The following BSCL2 variants were observed in gnomAD, a reference collection of about 807,000 sequenced individuals.
BSCL2 encodes the protein seipin.
Under a neutral mutation model 57.4 loss-of-function variants are expected in BSCL2, and 41 were observed. The observed-to-expected ratio is 0.71, with a 90% confidence interval of 0.56 to 0.93. BSCL2 has a LOEUF of 0.93. BSCL2 is among the 40% of genes least tolerant of loss of function. The pLI, the probability that BSCL2 is intolerant of heterozygous loss-of-function variation, is 0.00. For missense variants in BSCL2, 539 were observed against 586.7 expected, an observed-to-expected ratio of 0.92 and a Z score of 0.84; for synonymous variants, 237 against 227.3, an observed-to-expected ratio of 1.04 and a Z score of -0.38.
chr11:62,691,130 T>C lies in BSCL2; in HGVS notation c.1017A>G (p.Arg339=), dbSNP rs147902831. Residue 339 remains arginine (R), a synonymous_variant, in exon 8 of 11, where the codon CGA becomes CGG. Coordinates refer to ENST00000360796, the MANE Select transcript of BSCL2 (RefSeq NM_001122955.4). ...RHRFSLQVNI[R]KRDNSRKEVQ... ...CTTCCTTCCGGGAATTGTCTCTTTT[T>C]CGGATGTTAACCTGTGGAGGAAAAA... The C allele has an allele frequency of 1.0e-4, 163 of 1,614,120 alleles. No homozygotes were observed. The highest frequency in any genetic ancestry group is 1.3e-4 in the Non-Finnish European group (157 of 1,180,052).
intron 3 of BSCL2, among the ~76,000 whole-genome samples, chr11:62,699,781 C>T (rs1043760615): frequency 7.4e-5 from 11 of 147,764 alleles, no homozygotes; most frequent in Non-Finnish European, 1.2e-4. Context: ...CGGGTTCAAG[C>T]AATTCTTGTG....
Position 62,691,413 on chromosome 11 carries a change from A to G in BSCL2, c.872T>C (p.Leu291Pro), listed in dbSNP as rs2134692185. 6.2e-7 allele frequency: 1 copy of G among 1,614,216 alleles called. No individual in the cohort carries two copies. Among genetic ancestry groups the G allele is most frequent in the East Asian group, 2.2e-5 (1 of 44,888 alleles). Residue 291 changes from leucine (L) to proline (P), a missense_variant, in exon 7 of 11, where the codon CTA becomes CCA. Physicochemically the swap from Leu to Pro is moderately conservative, Grantham distance 98. Transcript: ENST00000360796. The part of the protein sequence containing the change: ...HAHFTGLRYL[L>P]YNFPMTCAFI... Reference sequence around the variant, plus strand: ...GGCGCAGGTCATCGGGAAGTTGTATAGCAGGTATCTGAGGCAGGAAGTAGG... The same window carrying G: ...GGCGCAGGTCATCGGGAAGTTGTATGGCAGGTATCTGAGGCAGGAAGTAGG...
Position 62,705,423 on chromosome 11 carries a change from C to A in BSCL2, c.282G>T (p.Gln94His), listed in dbSNP as rs953445189. The A allele has an allele frequency of 6.2e-7, 1 of 1,614,150 alleles. No homozygotes were observed. Among genetic ancestry groups the A allele is most frequent in the African/African-American group, 1.3e-5 (1 of 74,952 alleles). The change falls in exon 2 of 11, where the codon CAG (glutamine) becomes CAT (histidine). Residue 94 changes from glutamine (Q) to histidine (H), a missense_variant. By Grantham distance (24) the Gln-to-His change is conservative (BLOSUM62 0). This residue lies in a region of BSCL2 where 218 missense variants were observed against 224.8 expected (regional missense o/e 0.97). Transcript: ENST00000360796. The stretch of plus-strand genomic sequence containing the variant: ...GGATGGTGCAGAAGAGCACCCCAAA[C>A]TGCAGCAGCAGCCTGCGGGCACGGC... ...LAGRARRLLL[Q>H]FGVLFCTILL...
At chr11:62,693,450 G>A (rs1179371154) in intron 4 of BSCL2, among the ~76,000 whole-genome samples, 2 of 152,106 alleles carry the variant, frequency 1.3e-5, no homozygotes, top group Non-Finnish European at 2.9e-5. Context: ...GTTGCCGTGA[G>A]CCGAGATCAC....
intron 2 of BSCL2, among the ~76,000 whole-genome samples, chr11:62,703,815 C>T (rs1035773221): frequency 3.3e-5 from 5 of 151,722 alleles, no homozygotes. Flanking sequence ...GGTCCTACAA[C>T]CACTGTTAAG....
At chr11:62,705,851 G>A in intron 1 of BSCL2, 1 of 534,526 alleles carries the variant, frequency 1.9e-6, no homozygotes, top group Non-Finnish European at 3.3e-6. Flanking sequence ...TCCTTCTCCA[G>A]TCATTTGATG....
At position 62,705,605 on chromosome 11, in the gene BSCL2, C is replaced by A; in HGVS notation, c.100G>T (p.Ala34Ser). The change falls in exon 2 of 11, where the codon GCT becomes TCT. Residue 34 changes from alanine to serine, a missense_variant. Physicochemically the swap from Ala to Ser is moderately conservative, Grantham distance 99. Transcript: ENST00000360796. ...GPDKEEEPPA[A>S]ASHGQGWRPG... ...CGCCACCCCTGGCCATGGGATGCAG[C>A]AGCTGGTGGTTCCTGGAAAGAGAGG... The A allele has an allele frequency of 1.3e-6, 2 of 1,537,316 alleles. No homozygotes were observed. Among genetic ancestry groups the A allele is most frequent in the Non-Finnish European group, 1.8e-6 (2 of 1,137,764 alleles).
intron 7 of BSCL2, 52 bp downstream of exon 7, chr11:62,691,228 T>TG: frequency 6.2e-7 from 1 of 1,614,074 alleles, no homozygotes; most frequent in Non-Finnish European, 8.5e-7. Flanking sequence ...AACATACCCC[T>TG]GACCACCCAC....
At chr11:62,708,523 GT>G, upstream of BSCL2, 1 of 1,248,914 alleles carries the variant, frequency 8.0e-7, no homozygotes, top group Admixed American at 1.9e-5. Flanking sequence ...CTGGGGCTCT[GT>G]AGAGAGAGCT....
At chr11:62,702,635 T>G in intron 2 of BSCL2, 86 bp from the exon 3 acceptor site, 2 of 1,089,484 alleles carry the variant, frequency 1.8e-6, no homozygotes, top group East Asian at 5.3e-5. Context: ...GGCTCCCTCC[T>G]GCCCTCCTCC....
intron 3 of BSCL2, among the ~76,000 whole-genome samples, chr11:62,696,247 A>AGAT (rs1276547422): frequency 6.6e-6 from 1 of 150,802 alleles, no homozygotes; most frequent in Non-Finnish European, 1.5e-5. Flanking sequence ...TGTAGAGACC[A>AGAT]GATGATTAAG....
chr11:62,702,358 G>T, intron 3 of BSCL2, 110 bp downstream of exon 3: 1 of 1,006,776 alleles, frequency 9.9e-7, no homozygotes, highest in Non-Finnish European at 1.5e-6. Flanking sequence ...GAGCCACCGT[G>T]CCCGGCCAGT....
chr11:62,695,119 C>G (rs1945417673), intron 3 of BSCL2, among the ~76,000 whole-genome samples: 1 of 152,210 alleles, frequency 6.6e-6, no homozygotes, highest in Non-Finnish European at 1.5e-5. Flanking sequence ...GTCTCCCCAG[C>G]CAGCTCTGGC....
In BSCL2 at chr11:62,705,445, C is replaced by T. The variant is rs1296501254; in HGVS notation, c.260G>A (p.Arg87His). 5 of 1,614,084 alleles carry T rather than the reference C, an allele frequency of 3.1e-6. No homozygotes were observed. The highest frequency in any genetic ancestry group is 1.6e-4 in the Middle Eastern group (1 of 6,084). Residue 87 changes from arginine (R) to histidine (H), a missense_variant, in exon 2 of 11, where the codon CGT (arginine) becomes CAT (histidine). Around this residue, in one of 3 missense-constraint regions of BSCL2, gnomAD observed 218 missense variants for 224.8 expected, o/e 0.97. Transcript: ENST00000360796. ...AQEVGQVLAG[R>H]ARRLLLQFGV... ...AAACTGCAGCAGCAGCCTGCGGGCA[C>T]GGCCTGCCAAGACTTGGCCCACCTC...
At chr11:62,707,783 A>G (rs1440454011), upstream of BSCL2, 1 of 265,514 alleles carries the variant, frequency 3.8e-6, no homozygotes, top group Non-Finnish European at 7.4e-6. Context: ...CTCCTTTCGT[A>G]TAGTCACTGC....
At position 62,696,675 on chromosome 11, in the gene BSCL2, AG is replaced by A. The variant is rs1209662191; in HGVS notation, c.487-1965del. Among the ~76,000 whole-genome samples the A allele has an allele frequency of 2.0e-5, 3 of 152,008 alleles. 1 individual carries two copies. Among genetic ancestry groups the A allele is most frequent in the Non-Finnish European group, 4.4e-5 (3 of 68,022 alleles). ...TGGGCTCAGTTGATCTTCCTGTCTC[AG>A]CCTCCTGAGTAGCTGGAACTACAGG... On this transcript the variant is annotated intron_variant, in intron 3 of 10. Coordinates refer to ENST00000360796, the MANE Select transcript of BSCL2 (RefSeq NM_001122955.4).
In BSCL2 at chr11:62,705,411, G is replaced by A. The variant is rs1370174442; in HGVS notation, c.294C>T (p.Leu98=). The change falls in exon 2 of 11, where the codon CTC becomes CTT. Residue 98 remains leucine (L), a synonymous_variant. Coordinates refer to ENST00000360796, the MANE Select transcript of BSCL2 (RefSeq NM_001122955.4). ...AGAGCAAAAGGAGGATGGTGCAGAAGAGCACCCCAAACTGCAGCAGCAGCC... is the reference window on the plus strand; with the variant it reads ...AGAGCAAAAGGAGGATGGTGCAGAAAAGCACCCCAAACTGCAGCAGCAGCC... The part of the protein sequence containing the change: ...ARRLLLQFGV[L]FCTILLLLWV... The A allele has an allele frequency of 5.6e-6, 9 of 1,614,224 alleles. No homozygotes were observed. The highest frequency in any genetic ancestry group is 7.6e-6 in the Non-Finnish European group (9 of 1,180,024).
At chr11:62,695,076 C>T (rs553631253) in intron 3 of BSCL2, among the ~76,000 whole-genome samples, 1 of 152,136 alleles carries the variant, frequency 6.6e-6, no homozygotes, top group African/African-American at 2.4e-5. Context: ...CCTGTCCTCT[C>T]TTACATTATT....
upstream of BSCL2, chr11:62,708,558 G>A (rs1397465333): frequency 2.1e-6 from 3 of 1,425,742 alleles, no homozygotes; most frequent in Non-Finnish European, 2.9e-6. Context: ...TGGGGGGGAT[G>A]AGGGAGAAGA....
Sources: allele counts gnomAD v4.1 joint callset (sites outside exome capture counted in the v4.1 genomes callset), GRCh38; gene constraint gnomAD v4.1.1; regional missense constraint gnomAD v4.1.1; transcripts MANE v1.5; gene names NCBI Gene and HGNC (gene_info 2026-07-23, HGNC 2026-07-21).